Variants in LDLRAP1 observed in about 807,000 individuals in gnomAD.
LDLRAP1 encodes the protein low density lipoprotein receptor adaptor protein 1.
LDLRAP1 carries 30 observed loss-of-function variants against 37.8 expected under a neutral mutation model. That is an observed-to-expected ratio of 0.79 (90% confidence interval 0.59 to 1.08). The LOEUF (loss-of-function observed/expected upper bound fraction) is 1.08. Among genes scored for constraint, LDLRAP1 ranks in the 50% least tolerant of loss-of-function variants. LDLRAP1 has a pLI of 0.00. For missense variants in LDLRAP1, 375 were observed against 401.6 expected (o/e 0.93, Z 0.57); for synonymous variants, 156 against 169.8 (o/e 0.92, Z 0.63).
the LDLRAP1 span, among the ~76,000 whole-genome samples, chr1:25,575,782 C>T: frequency 6.6e-6 from 1 of 152,172 alleles, no homozygotes; most frequent in South Asian, 2.1e-4. Context: ...CAAACGACCC[C>T]ATGGGCTTCT....
At chr1:25,559,007 G>C (rs1056168446) in intron 4 of LDLRAP1, among the ~76,000 whole-genome samples, 5 of 152,164 alleles carry the variant, frequency 3.3e-5, no homozygotes, top group African/African-American at 1.2e-4. Context: ...GGTTGCCTCA[G>C]TGACCTCCAG....
rs2043883161 is a variant in LDLRAP1 at position 25,544,479 on chromosome 1, C to G, written c.88+693C>G. 6.6e-6 allele frequency among the ~76,000 whole-genome samples: 1 copy of G among 152,196 alleles called. No homozygotes were observed. The highest frequency in any genetic ancestry group is 2.4e-5 in the African/African-American group (1 of 41,448). On this transcript the variant is annotated intron_variant, in intron 1 of 8. Coordinates refer to ENST00000374338, the MANE Select transcript of LDLRAP1 (RefSeq NM_015627.3). This position sits in a 1 kb window ranked among gnomAD's most constrained non-coding sequence, Gnocchi z 4.8. ...CTGGCGTCCCGACTATTTTTGAAAC[C>G]TGTTTTCTCTCGCACCTTTCCCCTC...
At position 25,555,820 on chromosome 1, in the gene LDLRAP1, G is replaced by A. The variant is rs771785712; in HGVS notation, c.344+848G>A. On this transcript the variant is annotated intron_variant, in intron 3 of 8. Transcript: ENST00000374338. The surrounding 1 kb of genome is among the most constrained non-coding windows in gnomAD (Gnocchi z 4.7). ...AGTTTCAGATACCTATTCTGCCAAC[G>A]TCTGTGCCAGATGAGGACTCCAATC... Among the ~76,000 whole-genome samples the A allele has an allele frequency of 2.0e-5, 3 of 152,188 alleles. No individual in the cohort carries two copies. The highest frequency in any genetic ancestry group is 4.4e-5 in the Non-Finnish European group (3 of 68,044).
the LDLRAP1 span, among the ~76,000 whole-genome samples, chr1:25,586,527 T>G: frequency 0.13 from 19,250 of 151,590 alleles, 2,822 homozygotes; most frequent in African/African-American, 0.33. This position sits in a 1 kb window ranked among gnomAD's most constrained non-coding sequence, Gnocchi z 4.3. Flanking sequence ...TGTGCCTACA[T>G]GTGTGTGCGT....
the LDLRAP1 span, among the ~76,000 whole-genome samples, chr1:25,576,690 G>A: frequency 4.3e-3 from 657 of 152,370 alleles, 3 homozygotes; most frequent in Middle Eastern, 0.01. Context: ...CAGCCAGAAA[G>A]GAACGGGGCC....
chr1:25,564,121 C>T, intron 7 of LDLRAP1: 1 of 375,398 alleles, frequency 2.7e-6, no homozygotes, highest in South Asian at 2.2e-5. Context: ...TACCACCCCT[C>T]CCCCTCAGCC....
chr1:25,588,471 G>A, the LDLRAP1 span, among the ~76,000 whole-genome samples: 4 of 152,196 alleles, frequency 2.6e-5, no homozygotes, highest in Admixed American at 1.3e-4. Flanking sequence ...TACTGCTCTT[G>A]AAGGCATTGA....
chr1:25,563,739 A>G lies in LDLRAP1; in HGVS notation c.695A>G (p.Asn232Ser). The G allele has an allele frequency of 6.2e-7, 1 of 1,613,982 alleles. No homozygotes were observed. Among genetic ancestry groups the G allele is most frequent in the African/African-American group, 1.3e-5 (1 of 75,054 alleles). ...PLSTVSANTT[N>S]MDEVPRPQAL... ...TCCACGGTCAGCGCCAACACCACCA[A>G]CATGGACGAGGTGCCGCGGCCACAA... is the stretch of plus-strand genomic sequence containing the variant. The change falls in exon 7 of 9, where the codon AAC becomes AGC. Residue 232 changes from asparagine to serine, a missense_variant. Coordinates refer to ENST00000374338, the MANE Select transcript of LDLRAP1 (RefSeq NM_015627.3).
At chr1:25,581,224 C>G in the LDLRAP1 span, among the ~76,000 whole-genome samples, 1 of 152,124 alleles carries the variant, frequency 6.6e-6, no homozygotes, top group Non-Finnish European at 1.5e-5. Flanking sequence ...TAGCCAGCAG[C>G]CTGGGGCGGG....
chr1:25,564,133 C>G, intron 7 of LDLRAP1: 1 of 368,688 alleles, frequency 2.7e-6, no homozygotes, highest in South Asian at 2.2e-5. Flanking sequence ...CCCTCAGCCG[C>G]CTGAATGAGG....
At chr1:25,588,839 G>A in the LDLRAP1 span, among the ~76,000 whole-genome samples, 1 of 152,176 alleles carries the variant, frequency 6.6e-6, no homozygotes, top group Non-Finnish European at 1.5e-5. Flanking sequence ...CAGAGGTTCT[G>A]TTTTTCCGTC....
At chr1:25,562,355 G>C (rs2044361890) in intron 4 of LDLRAP1, among the ~76,000 whole-genome samples, 1 of 152,254 alleles carries the variant, frequency 6.6e-6, no homozygotes, top group South Asian at 2.1e-4. Context: ...TTTGCAGGCA[G>C]GGGCCCTAGA....
At chr1:25,570,870 AAAAAT>A (rs1482850893), downstream of LDLRAP1, among the ~76,000 whole-genome samples, 37 of 152,248 alleles carry the variant, frequency 2.4e-4, no homozygotes, top group African/African-American at 8.4e-4. Flanking sequence ...AAATAAAAAT[AAAAAT>A]AAAGTAACCC....
At chr1:25,582,864 A>C in the LDLRAP1 span, among the ~76,000 whole-genome samples, 1 of 151,658 alleles carries the variant, frequency 6.6e-6, no homozygotes, top group Non-Finnish European at 1.5e-5. Flanking sequence ...CTGAGGTTAG[A>C]AGTTCGAGAC....
At chr1:25,545,269 AG>A (rs905997638) in intron 1 of LDLRAP1, among the ~76,000 whole-genome samples, 9 of 152,112 alleles carry the variant, frequency 5.9e-5, no homozygotes, top group Admixed American at 5.9e-4. Flanking sequence ...TTTTGAAGGA[AG>A]GGGGGCTGGC....
the LDLRAP1 span, among the ~76,000 whole-genome samples, chr1:25,574,734 T>G: frequency 3.9e-5 from 6 of 152,008 alleles, no homozygotes; most frequent in Non-Finnish European, 8.8e-5. Context: ...TGTGCATGAG[T>G]GAGCCTGTGT....
chr1:25,574,700 G>C, the LDLRAP1 span, among the ~76,000 whole-genome samples: 7 of 152,266 alleles, frequency 4.6e-5, no homozygotes, highest in African/African-American at 1.7e-4. Context: ...GAGTGTTCTG[G>C]GCATGCTATA....
intron 8 of LDLRAP1, among the ~76,000 whole-genome samples, chr1:25,566,496 A>T (rs1291747804): frequency 1.3e-5 from 2 of 152,050 alleles, no homozygotes; most frequent in African/African-American, 4.8e-5. Context: ...TAGCCAAAGA[A>T]TCTTCCGTGT....
At chr1:25,565,434 G>A (rs1371649123) in intron 8 of LDLRAP1, among the ~76,000 whole-genome samples, 2 of 152,160 alleles carry the variant, frequency 1.3e-5, no homozygotes, top group East Asian at 1.9e-4. Context: ...TTACTGTTGA[G>A]TCAAAAACTA....
Sources: gnomAD v4.1 joint callset for allele counts (sites outside exome capture counted in the v4.1 genomes callset) on GRCh38, gnomAD v4.1.1 for gene constraint, Gnocchi (gnomAD v3.1) non-coding constraint, MANE v1.5 for transcripts, NCBI Gene and HGNC (gene_info 2026-07-23, HGNC 2026-07-21) for gene names.